Variants in TNFRSF8 observed in about 807,000 individuals in gnomAD.
TNFRSF8 encodes tumor necrosis factor receptor superfamily member 8.
In TNFRSF8, 26 loss-of-function variants were observed where a neutral mutation model predicts 70.8. The observed-to-expected ratio is 0.37, with a 90% CI of 0.27 to 0.51. The LOEUF (loss-of-function observed/expected upper bound fraction) is 0.51. TNFRSF8 is among the 20% of genes least tolerant of loss of function. The pLI is 0.94. For synonymous variants in TNFRSF8, 356 were observed against 339.2 expected (o/e 1.05, Z -0.54); for missense variants, 720 against 807.9 (o/e 0.89, Z 1.32).
At chr1:12,095,479 T>C (rs1641317376) in intron 2 of TNFRSF8, among the ~76,000 whole-genome samples, 1 of 151,850 alleles carries the variant, frequency 6.6e-6, no homozygotes, top group Non-Finnish European at 1.5e-5. Flanking sequence ...GTAGAGACGG[T>C]GTTTCACCAC....
At chr1:12,084,886 C>G (rs1027401829) in intron 2 of TNFRSF8, among the ~76,000 whole-genome samples, 1 of 152,130 alleles carries the variant, frequency 6.6e-6, no homozygotes, top group Non-Finnish European at 1.5e-5. Flanking sequence ...TTGCAATGAT[C>G]CTTTATTACA....
At position 12,078,743 on chromosome 1, in the gene TNFRSF8, C is replaced by T. The variant is rs571270796; in HGVS notation, c.64-5721C>T. ...ACTTTGGGCAGATTTCTCGTCCTTA[C>T]GTCTCAGTCTCCCCCATCTGTAAAA... On this transcript the variant is annotated intron_variant, in intron 1 of 14. Coordinates refer to ENST00000263932, the MANE Select transcript of TNFRSF8 (RefSeq NM_001243.5). Among the ~76,000 whole-genome samples, 5 of 152,316 alleles carry T rather than the reference C, an allele frequency of 3.3e-5. No individual in the cohort carries two copies. The East Asian group carries it at 9.6e-4, about 29-fold the overall frequency.
At chr1:12,074,957 TA>T (rs924030818) in intron 1 of TNFRSF8, among the ~76,000 whole-genome samples, 3 of 151,702 alleles carry the variant, frequency 2.0e-5, no homozygotes, top group African/African-American at 4.8e-5. Context: ...CCCAGCTAAT[TA>T]AAAAAAAATT....
intron 3 of TNFRSF8, among the ~76,000 whole-genome samples, chr1:12,100,680 C>T (rs58439671): frequency 0.062 from 9,442 of 152,042 alleles, 964 homozygotes; most frequent in African/African-American, 0.21. Context: ...CCATTGGCAG[C>T]GTGCAGTGAC....
chr1:12,104,153 A>G lies in TNFRSF8; in HGVS notation c.269-226A>G, dbSNP rs6686742. Among the ~76,000 whole-genome samples the G allele has an allele frequency of 7.8e-3, 1,187 of 152,314 alleles. 9 individuals are homozygous for G. The highest frequency in any genetic ancestry group is 0.026 in the African/African-American group (1,080 of 41,566). ...TCAGACTGGTGTCTTTCATTTAGCA[A>G]TATGTATCTAAGTTTCCTCCATGTC... is the stretch of plus-strand genomic sequence containing the variant. On this transcript the variant is annotated intron_variant, in intron 3 of 14. Coordinates refer to ENST00000263932, the MANE Select transcript of TNFRSF8 (RefSeq NM_001243.5).
chr1:12,090,397 C>T (rs372018609), intron 2 of TNFRSF8, among the ~76,000 whole-genome samples: 1 of 151,746 alleles, frequency 6.6e-6, no homozygotes, highest in South Asian at 2.1e-4. Flanking sequence ...GTTCCTCCAC[C>T]CATCCATCCA....
Position 12,109,260 on chromosome 1 carries a change from C to T in TNFRSF8, c.422-306C>T, listed in dbSNP as rs1048524990. Among the ~76,000 whole-genome samples, 4 of 152,312 alleles carry T rather than the reference C, an allele frequency of 2.6e-5. No homozygotes were observed. The highest frequency in any genetic ancestry group is 9.6e-5 in the African/African-American group (4 of 41,564). ...CATGTCCGTCCCTGAACTGGCTCAT[C>T]GTGGCCAGAGGAATGCAACGGATTG... On this transcript the variant is annotated intron_variant, in intron 4 of 14. Transcript: ENST00000263932. This position sits in a 1 kb window ranked among gnomAD's most constrained non-coding sequence, Gnocchi z 4.4.
Position 12,142,232 on chromosome 1 carries a change from C to G in TNFRSF8, c.1544-55C>G. On this transcript the variant is annotated intron_variant, in intron 14 of 14. Transcript: ENST00000263932. This position sits in a 1 kb window ranked among gnomAD's most constrained non-coding sequence, Gnocchi z 5.0. The stretch of plus-strand genomic sequence containing the variant: ...CTCGGCCCTTCTCTGCCTCTTTGCT[C>G]CCATCCTGGCTGGTGCTCTGGCCTC... 1 of 1,503,028 alleles carries G rather than the reference C, an allele frequency of 6.7e-7. No homozygotes were observed. The highest frequency in any genetic ancestry group is 8.9e-7 in the Non-Finnish European group (1 of 1,120,410). The allele number at this position is 1,503,028 out of a possible 1,614,324, so 93.1% of individuals were successfully genotyped here. A position where few individuals can be genotyped will look rare whatever the true frequency, so the allele number is the denominator to read the frequency against.
At chr1:12,094,951 T>A (rs1641307884) in intron 2 of TNFRSF8, among the ~76,000 whole-genome samples, 1 of 152,044 alleles carries the variant, frequency 6.6e-6, no homozygotes, top group Admixed American at 6.6e-5. Context: ...TGAGAGGTTC[T>A]TGCGTGTTGT....
chr1:12,132,837 C>CAAAAA (rs55643235), intron 12 of TNFRSF8, among the ~76,000 whole-genome samples: 6 of 74,406 alleles, frequency 8.1e-5, no homozygotes, highest in East Asian at 4.1e-4. Context: ...GACTCCATCT[C>CAAAAA]AAAAAAAAAA....
intron 12 of TNFRSF8, among the ~76,000 whole-genome samples, chr1:12,131,735 C>T (rs1284160698): frequency 6.6e-6 from 1 of 151,832 alleles, no homozygotes; most frequent in Non-Finnish European, 1.5e-5. Flanking sequence ...CTCAAGTGAT[C>T]TGCCCACCTC....
At position 12,109,474 on chromosome 1, in the gene TNFRSF8, C is replaced by A; in HGVS notation, c.422-92C>A. 9.5e-7 allele frequency: 1 copy of A among 1,056,114 alleles called. No individual in the cohort carries two copies. Among genetic ancestry groups the A allele is most frequent in the Non-Finnish European group, 1.4e-6 (1 of 713,986 alleles). The allele number at this position is 1,056,114 out of a possible 1,614,324, so 65.4% of individuals were successfully genotyped here. A position where few individuals can be genotyped will look rare whatever the true frequency, so the allele number is the denominator to read the frequency against. ...CTGCTGTGTTTTCCAAGGGCCCCAT[C>A]TCCGACTCTGGCCTGTGGTAGTGAA... is the stretch of plus-strand genomic sequence containing the variant. On this transcript the variant is annotated intron_variant, in intron 4 of 14. Transcript: ENST00000263932. The surrounding 1 kb of genome is among the most constrained non-coding windows in gnomAD (Gnocchi z 4.4).
At position 12,073,548 on chromosome 1, in the gene TNFRSF8, C is replaced by T. The variant is rs114206442; in HGVS notation, c.63+9887C>T. The stretch of plus-strand genomic sequence containing the variant: ...TCTCCCTTTCCGTTCCTTTCCCTTT[C>T]GTTTTCCCTTTCCCTTTCCTTTTCC... On this transcript the variant is annotated intron_variant, in intron 1 of 14. Transcript: ENST00000263932. Among the ~76,000 whole-genome samples the T allele has an allele frequency of 5.9e-3, 887 of 149,688 alleles. 11 individuals carry two copies. Among genetic ancestry groups the T allele is most frequent in the African/African-American group, 0.021 (840 of 40,782 alleles).
chr1:12,099,349 T>C (rs1215609239), intron 3 of TNFRSF8, among the ~76,000 whole-genome samples: 1 of 152,094 alleles, frequency 6.6e-6, no homozygotes, highest in Admixed American at 6.6e-5. Context: ...TTCATCATGT[T>C]GCCCAGGCTG....
intron 1 of TNFRSF8, chr1:12,080,671 C>G: frequency 4.0e-6 from 1 of 246,950 alleles, no homozygotes; most frequent in Non-Finnish European, 8.1e-6. Context: ...GATTCTCATG[C>G]CTCAGCCTCC....
chr1:12,123,504 A>G lies in TNFRSF8; in HGVS notation c.1040+127A>G, dbSNP rs1441489093. The G allele has an allele frequency of 1.8e-5, 18 of 994,934 alleles. 1 individual carries two copies. In the Admixed American group the frequency reaches 2.7e-4, roughly 15 times the overall value. The allele number at this position is 994,934 out of a possible 1,614,324, so 61.6% of individuals were successfully genotyped here. ...TGGGGCCTGGGCTGCTCTTTTGTTA[A>G]ATGTGTGCCCATCTCTTTGCTGACA... On this transcript the variant is annotated intron_variant, in intron 9 of 14. Coordinates refer to ENST00000263932, the MANE Select transcript of TNFRSF8 (RefSeq NM_001243.5).
intron 4 of TNFRSF8, among the ~76,000 whole-genome samples, chr1:12,107,715 T>C (rs1488558227): frequency 2.0e-5 from 3 of 152,092 alleles, no homozygotes; most frequent in Non-Finnish European, 4.4e-5. Flanking sequence ...CTGGTTAATC[T>C]CTGGGGTCCC....
rs918395470 is a variant in TNFRSF8, at chr1:12,109,709, G to T, written c.512+53G>T. The T allele has an allele frequency of 6.7e-7, 1 of 1,496,306 alleles. No individual in the cohort carries two copies. The highest frequency in any genetic ancestry group is 1.1e-5 in the South Asian group (1 of 87,798). 92.7% of individuals were successfully genotyped at this position (1,496,306 alleles called of 1,614,324 possible). A position where few individuals can be genotyped will look rare whatever the true frequency, so the allele number is the denominator to read the frequency against. On this transcript the variant is annotated intron_variant, in intron 5 of 14. Coordinates refer to ENST00000263932, the MANE Select transcript of TNFRSF8 (RefSeq NM_001243.5). The surrounding 1 kb of genome is among the most constrained non-coding windows in gnomAD (Gnocchi z 4.4). The stretch of plus-strand genomic sequence containing the variant: ...TTCCCCCAAGCTGGCTTTCAGATGA[G>T]GCTGCCCCACCCCACAGGACGCCCA...
intron 8 of TNFRSF8, among the ~76,000 whole-genome samples, chr1:12,117,109 G>T (rs1641745666): frequency 6.6e-6 from 1 of 151,940 alleles, no homozygotes; most frequent in Non-Finnish European, 1.5e-5. Context: ...TAGAGATGGA[G>T]TCTCGCTGTC....
Sources: allele counts gnomAD v4.1 joint callset (sites outside exome capture counted in the v4.1 genomes callset), GRCh38; gene constraint gnomAD v4.1.1; non-coding constraint Gnocchi (gnomAD v3.1); transcripts MANE v1.5; gene names NCBI Gene and HGNC (gene_info 2026-07-23, HGNC 2026-07-21).